CCDC7: variants seen among roughly 807,000 people sequenced by gnomAD.
The protein encoded by CCDC7 is coiled-coil domain-containing protein 7.
CCDC7 carries 183 observed loss-of-function variants against 196.9 expected under a neutral mutation model. The ratio of observed to expected loss-of-function variants is 0.93; its 90% CI spans 0.82 to 1.05. The LOEUF is 1.05. Among genes scored for constraint, CCDC7 ranks in the 50% least tolerant of loss-of-function variants. CCDC7 has a pLI of 0.00. For missense variants in CCDC7, 1,540 were observed against 1,482.2 expected, an observed-to-expected ratio of 1.04 and a Z score of -0.64; for synonymous variants, 525 against 484.6, an observed-to-expected ratio of 1.08 and a Z score of -1.10.
intron 11 of CCDC7, among the ~76,000 whole-genome samples, chr10:32,535,627 G>T (rs1464600052): frequency 6.6e-6 from 1 of 152,122 alleles, no homozygotes; most frequent in East Asian, 1.9e-4. Context: ...AAGAGAAGGG[G>T]CTTGGAGACC....
At chr10:32,458,260 T>C (rs2034793348) in intron 3 of CCDC7, among the ~76,000 whole-genome samples, 1 of 152,148 alleles carries the variant, frequency 6.6e-6, no homozygotes, top group African/African-American at 2.4e-5. Context: ...TATCCAGTTT[T>C]CCCAGCACCA....
chr10:32,455,279 A>ATATTTATT lies in CCDC7; in HGVS notation c.373-946_373-939dup, dbSNP rs72086158. The stretch of plus-strand genomic sequence containing the variant: ...ACAAGAAGTATGTGAGCCTCTCAGC[A>ATATTTATT]TATTTATTTATTTATTTATTTATTT... On this transcript the variant is annotated intron_variant, in intron 2 of 41. Coordinates refer to ENST00000639629, the Ensembl canonical transcript of CCDC7. Among the ~76,000 whole-genome samples the ATATTTATT allele has an allele frequency of 1.3e-3, 198 of 146,974 alleles. 1 individual carries two copies. The highest frequency in any genetic ancestry group is 3.4e-3 in the African/African-American group (137 of 40,362).
At chr10:32,680,151 G>A (rs1220776914) in intron 21 of CCDC7, among the ~76,000 whole-genome samples, 1 of 152,200 alleles carries the variant, frequency 6.6e-6, no homozygotes, top group African/African-American at 2.4e-5. Context: ...AGCAAAGAAG[G>A]CAGTTGTTTC....
At chr10:32,546,924 G>A (rs1244243963) in intron 13 of CCDC7, among the ~76,000 whole-genome samples, 1 of 152,214 alleles carries the variant, frequency 6.6e-6, no homozygotes, top group Non-Finnish European at 1.5e-5. Flanking sequence ...TCTAGGGGCA[G>A]TCTGCAGTTT....
intron 23 of CCDC7, among the ~76,000 whole-genome samples, chr10:32,694,149 CAAG>C (rs1381178967): frequency 6.6e-6 from 1 of 152,086 alleles, no homozygotes; most frequent in Admixed American, 6.5e-5. Context: ...TTGAATAAAT[CAAG>C]AAGTTTATTC....
chr10:32,494,599 T>C (rs760820268), intron 9 of CCDC7, among the ~76,000 whole-genome samples: 6 of 152,148 alleles, frequency 3.9e-5, no homozygotes, highest in Admixed American at 1.3e-4. Flanking sequence ...CCTGTGTCCA[T>C]GTGTTCTTAT....
chr10:32,853,931 AC>A lies in CCDC7; in HGVS notation c.4022-468del, dbSNP rs566614930. ...CATGGGGTATATATGCAGGTTTGTT[AC>A]ATGGGTATACTGCATGACATTGAGG... On this transcript the variant is annotated intron_variant, in intron 40 of 41. Transcript: ENST00000639629. Among the ~76,000 whole-genome samples the A allele has an allele frequency of 5.1e-3, 771 of 152,300 alleles. 5 individuals carry two copies. The highest frequency in any genetic ancestry group is 6.4e-3 in the Non-Finnish European group (438 of 68,022).
chr10:32,444,777 A>G (rs1223883242), upstream of CCDC7, among the ~76,000 whole-genome samples: 1 of 152,054 alleles, frequency 6.6e-6, no homozygotes, highest in African/African-American at 2.4e-5. Flanking sequence ...CTGATCATTT[A>G]TATGTACATT....
intron 23 of CCDC7, among the ~76,000 whole-genome samples, chr10:32,689,483 C>T (rs1280694610): frequency 7.3e-6 from 1 of 137,394 alleles, no homozygotes. Flanking sequence ...CACCTGTGGC[C>T]TTCTTCCATA....
At chr10:32,590,125 T>C (rs181800791) in intron 18 of CCDC7, among the ~76,000 whole-genome samples, 99 of 152,282 alleles carry the variant, frequency 6.5e-4, no homozygotes, top group East Asian at 1.7e-3. Context: ...TGTTTTGTGG[T>C]CTTCTCTTCC....
At chr10:32,718,235 A>G (rs2081915900) in intron 25 of CCDC7, among the ~76,000 whole-genome samples, 1 of 152,236 alleles carries the variant, frequency 6.6e-6, no homozygotes, top group Non-Finnish European at 1.5e-5. Context: ...CAACATATGC[A>G]AATCAATAAA....
At chr10:32,451,557 G>T, upstream of CCDC7, 2 of 1,483,530 alleles carry the variant, frequency 1.3e-6, no homozygotes, top group South Asian at 1.4e-5. Flanking sequence ...ATTAGAGCCT[G>T]GTGTTTTCTC....
intron 41 of CCDC7, among the ~76,000 whole-genome samples, chr10:32,870,647 A>G (rs1396657769): frequency 6.6e-6 from 1 of 151,964 alleles, no homozygotes; most frequent in Admixed American, 6.6e-5. Context: ...AATAGGAGTG[A>G]TGAGAGAGGG....
chr10:32,725,235 C>T (rs1469820254), intron 25 of CCDC7: 2 of 430,298 alleles, frequency 4.6e-6, no homozygotes, highest in East Asian at 1.4e-4. Flanking sequence ...TCTCGAAGCA[C>T]CAACTGATTT....
intron 41 of CCDC7, 133 bp downstream of exon 42, chr10:32,854,622 C>G (rs145792892): frequency 1.7e-6 from 1 of 574,128 alleles, no homozygotes; most frequent in African/African-American, 2.0e-5. Context: ...GCATGGTTTC[C>G]CAAACCTTTC....
chr10:32,535,668 G>A (rs2050359247), intron 11 of CCDC7, among the ~76,000 whole-genome samples: 1 of 152,156 alleles, frequency 6.6e-6, no homozygotes, highest in Non-Finnish European at 1.5e-5. Context: ...TCTCATAGGT[G>A]GCTGCCCTTA....
chr10:32,512,936 C>T (rs1032677351), intron 9 of CCDC7: 3 of 152,030 alleles, frequency 2.0e-5, no homozygotes, highest in African/African-American at 7.2e-5. Context: ...CAACTATTGG[C>T]AGAGAGGTAG....
At chr10:32,491,813 C>G (rs2042196784) in intron 8 of CCDC7, 109 bp from the exon 10 acceptor site, 4 of 1,046,070 alleles carry the variant, frequency 3.8e-6, no homozygotes, top group South Asian at 2.7e-5. Context: ...CATGCTAGCC[C>G]CTCTTTATGT....
chr10:32,698,615 TC>T lies in CCDC7; in HGVS notation c.2458+3624del, dbSNP rs566994057. The stretch of plus-strand genomic sequence containing the variant: ...AAGAAAGGGTATCAGTGATTGAAGA[TC>T]AAATGAATGAAATGAAGTGAGAAGA... On this transcript the variant is annotated intron_variant, in intron 24 of 41. Coordinates refer to ENST00000639629, the Ensembl canonical transcript of CCDC7. Among the ~76,000 whole-genome samples the T allele has an allele frequency of 8.7e-4, 132 of 151,946 alleles. 1 individual carries two copies. Among genetic ancestry groups the T allele is most frequent in the African/African-American group, 2.9e-3 (120 of 41,412 alleles).
Sources: gnomAD v4.1 joint callset for allele counts (sites outside exome capture counted in the v4.1 genomes callset) on GRCh38, gnomAD v4.1.1 for gene constraint, MANE v1.5 for transcripts, NCBI Gene and HGNC (gene_info 2026-07-23, HGNC 2026-07-21) for gene names.